The following TCF12 variants were observed in gnomAD, a reference collection of about 807,000 sequenced individuals.
TCF12 encodes transcription factor 12, also known as DNA-binding protein HTF4.
A neutral mutation model predicts 86.0 loss-of-function variants in TCF12; 45 were observed. The ratio of observed to expected loss-of-function variants is 0.52; its 90% confidence interval spans 0.41 to 0.67. The LOEUF is 0.67. Ranked by LOEUF, TCF12 falls within the 30% of genes least tolerant of loss-of-function variation. The pLI is 0.00. For synonymous variants in TCF12, 330 were observed against 299.6 expected (o/e 1.10, Z -1.05); for missense variants, 881 against 859.9 (o/e 1.02, Z -0.31).
At chr15:57,051,527 T>A (rs1235520023) in intron 3 of TCF12, among the ~76,000 whole-genome samples, 1 of 152,168 alleles carries the variant, frequency 6.6e-6, no homozygotes, top group Non-Finnish European at 1.5e-5. Context: ...TCTTGCTATG[T>A]TGCCCAGGCT....
intron 5 of TCF12, among the ~76,000 whole-genome samples, chr15:57,109,480 T>G (rs2050347018): frequency 6.6e-6 from 1 of 152,216 alleles, no homozygotes; most frequent in Admixed American, 6.5e-5. Flanking sequence ...ATTTTGAAAT[T>G]CATTGTATTT....
chr15:57,134,102 A>G (rs1055591834), intron 5 of TCF12, among the ~76,000 whole-genome samples: 2 of 152,196 alleles, frequency 1.3e-5, no homozygotes, highest in Non-Finnish European at 2.9e-5. Flanking sequence ...GAAATTATTT[A>G]TTAGGTTCTT....
chr15:57,223,778 A>T (rs2058739423), intron 8 of TCF12, among the ~76,000 whole-genome samples: 1 of 151,182 alleles, frequency 6.6e-6, no homozygotes, highest in African/African-American at 2.4e-5. Flanking sequence ...ATGTGACTGT[A>T]TACAGCTGCA....
chr15:57,280,661 G>C (rs773919603), intron 19 of TCF12, among the ~76,000 whole-genome samples: 4 of 152,130 alleles, frequency 2.6e-5, no homozygotes, highest in Non-Finnish European at 2.9e-5. Flanking sequence ...TTTCAGCCCA[G>C]GAGTTCAAGG....
intron 4 of TCF12, among the ~76,000 whole-genome samples, chr15:57,089,328 A>G (rs1372474040): frequency 6.6e-6 from 1 of 152,180 alleles, no homozygotes; most frequent in East Asian, 1.9e-4. Flanking sequence ...ATATAATCTC[A>G]GTAAATAGGT....
At position 57,223,784 on chromosome 15, in the gene TCF12, C is replaced by G. The variant is rs1457971852; in HGVS notation, c.580-7368C>G. 3.3e-5 allele frequency among the ~76,000 whole-genome samples: 5 copies of G among 150,694 alleles called. No individual in the cohort carries two copies. The Admixed American group carries it at 3.3e-4, about 10-fold the overall frequency. On this transcript the variant is annotated intron_variant, in intron 8 of 20. Coordinates refer to ENST00000333725, the MANE Select transcript of TCF12 (RefSeq NM_207037.2). ...CAGAAACCGATGTGACTGTATACAG[C>G]TGCATTTCTGTTCTATTGGGGTATT...
At chr15:57,160,289 T>C (rs751186662) in intron 5 of TCF12, among the ~76,000 whole-genome samples, 6 of 152,192 alleles carry the variant, frequency 3.9e-5, no homozygotes, top group Non-Finnish European at 7.3e-5. Flanking sequence ...CACATCCTTC[T>C]TCACGTGGTG....
At chr15:57,184,755 A>C (rs2056567538) in intron 6 of TCF12, among the ~76,000 whole-genome samples, 1 of 152,172 alleles carries the variant, frequency 6.6e-6, no homozygotes, top group Non-Finnish European at 1.5e-5. Context: ...AGCAAAATAA[A>C]AGAAGGAAAT....
chr15:57,071,627 A>G (rs1051998414), intron 4 of TCF12, among the ~76,000 whole-genome samples: 2 of 152,174 alleles, frequency 1.3e-5, no homozygotes, highest in Non-Finnish European at 2.9e-5. Context: ...CCCGATCTCA[A>G]AACAAAAAAC....
chr15:57,250,500 G>T (rs560340264), intron 13 of TCF12, among the ~76,000 whole-genome samples: 1 of 152,202 alleles, frequency 6.6e-6, no homozygotes, highest in East Asian at 1.9e-4. Context: ...AGGCTGAGGC[G>T]GGTGGATCAC....
At chr15:57,198,616 C>G (rs75879779) in intron 8 of TCF12, among the ~76,000 whole-genome samples, 7,709 of 152,152 alleles carry the variant, frequency 0.051, 546 homozygotes, top group African/African-American at 0.16. Flanking sequence ...ATTTTTAAAT[C>G]TCTGGTGCAA....
chr15:57,151,042 G>A (rs762697790), intron 5 of TCF12, among the ~76,000 whole-genome samples: 3 of 150,922 alleles, frequency 2.0e-5, no homozygotes, highest in Non-Finnish European at 2.9e-5. Flanking sequence ...GCAGTGGAGC[G>A]ATCATAGCTC....
At chr15:57,042,212 A>G (rs1330022726) in intron 3 of TCF12, among the ~76,000 whole-genome samples, 3 of 151,700 alleles carry the variant, frequency 2.0e-5, no homozygotes, top group Non-Finnish European at 2.9e-5. Flanking sequence ...TCTGCCTCAT[A>G]TGGGAGGGCA....
chr15:56,970,802 C>T (rs74994850), intron 3 of TCF12, among the ~76,000 whole-genome samples: 258 of 152,064 alleles, frequency 1.7e-3, no homozygotes, highest in Admixed American at 3.3e-3. Context: ...GTAATCTCAG[C>T]GCTTTGGGAA....
At chr15:57,091,601 TTTTGACTTAAAATC>T (rs2048997587) in intron 4 of TCF12, among the ~76,000 whole-genome samples, 174 bp from the exon 5 acceptor site, 1 of 152,214 alleles carries the variant, frequency 6.6e-6, no homozygotes, top group Non-Finnish European at 1.5e-5. Context: ...AGAAAATGTT[TTTTGACTTAAAATC>T]TTAAAAGGAA....
chr15:57,172,340 C>G (rs922987507), intron 6 of TCF12, among the ~76,000 whole-genome samples: 4 of 152,086 alleles, frequency 2.6e-5, no homozygotes, highest in Non-Finnish European at 5.9e-5. Context: ...AATAACTAGA[C>G]AAAAAACTTA....
intron 3 of TCF12, among the ~76,000 whole-genome samples, chr15:56,990,579 A>G (rs947917564): frequency 6.6e-6 from 1 of 152,042 alleles, no homozygotes; most frequent in African/African-American, 2.4e-5. Context: ...TATTGGATCT[A>G]CAGGTTTGGG....
At chr15:57,037,085 TGTGAG>T (rs1183239389) in intron 3 of TCF12, among the ~76,000 whole-genome samples, 2 of 152,146 alleles carry the variant, frequency 1.3e-5, no homozygotes, top group Non-Finnish European at 2.9e-5. Context: ...TGTTGATTGT[TGTGAG>T]GTGATAAAAT....
chr15:57,035,416 A>C (rs2066444492), intron 3 of TCF12, among the ~76,000 whole-genome samples: 1 of 152,138 alleles, frequency 6.6e-6, no homozygotes, highest in Admixed American at 6.5e-5. Context: ...GGTATGCACC[A>C]CCATGCCTGG....
Sources: allele counts gnomAD v4.1 joint callset (sites outside exome capture counted in the v4.1 genomes callset), GRCh38; gene constraint gnomAD v4.1.1; transcripts MANE v1.5; gene names NCBI Gene and HGNC (gene_info 2026-07-23, HGNC 2026-07-21).